Variants in ARHGAP26 observed in about 807,000 individuals in gnomAD.
ARHGAP26 encodes the protein Rho GTPase activating protein 26.
A neutral mutation model predicts 104.8 loss-of-function variants in ARHGAP26; 38 were observed. The ratio of observed to expected loss-of-function variants is 0.36; its 90% CI spans 0.28 to 0.48. ARHGAP26 has a LOEUF of 0.48. Among genes scored for constraint, ARHGAP26 ranks in the 20% least tolerant of loss-of-function variants. ARHGAP26 has a pLI of 0.99. For missense variants in ARHGAP26, 704 were observed against 947.9 expected, an observed-to-expected ratio of 0.74 and a Z score of 3.38; for synonymous variants, 341 against 340.0, an observed-to-expected ratio of 1.00 and a Z score of -0.03.
At chr5:143,029,338 C>G (rs934317193) in intron 12 of ARHGAP26, among the ~76,000 whole-genome samples, 2 of 150,064 alleles carry the variant, frequency 1.3e-5, no homozygotes, top group Admixed American at 6.7e-5. Flanking sequence ...CACAGCAACT[C>G]GACAATTTCC....
At chr5:143,176,814 G>T (rs916334424) in intron 20 of ARHGAP26, among the ~76,000 whole-genome samples, 2 of 152,100 alleles carry the variant, frequency 1.3e-5, no homozygotes, top group Admixed American at 6.5e-5. Context: ...AAAGAGACTC[G>T]GGTGTCTGAT....
chr5:143,074,213 G>T (rs1009790566), intron 17 of ARHGAP26, among the ~76,000 whole-genome samples: 1 of 151,902 alleles, frequency 6.6e-6, no homozygotes, highest in Non-Finnish European at 1.5e-5. Flanking sequence ...TATAGAACTG[G>T]TTTAAAATAA....
chr5:143,197,904 A>G (rs1807112229), intron 20 of ARHGAP26, among the ~76,000 whole-genome samples: 1 of 152,212 alleles, frequency 6.6e-6, no homozygotes, highest in Non-Finnish European at 1.5e-5. Flanking sequence ...GTAGCATAAA[A>G]TCGTATAGGC....
intron 20 of ARHGAP26, among the ~76,000 whole-genome samples, chr5:143,156,771 C>T (rs748662762): frequency 3.3e-5 from 5 of 152,174 alleles, no homozygotes; most frequent in South Asian, 2.1e-4. Context: ...GAGCTCTGCC[C>T]GTGGCCTTTG....
chr5:143,160,870 C>T (rs919833926), intron 20 of ARHGAP26, among the ~76,000 whole-genome samples: 4 of 152,176 alleles, frequency 2.6e-5, no homozygotes, highest in African/African-American at 9.7e-5. Flanking sequence ...AGGCTGGCCT[C>T]GCCCAGGGCT....
At chr5:142,841,268 ATCC>A (rs1157229550) in intron 1 of ARHGAP26, among the ~76,000 whole-genome samples, 1 of 152,212 alleles carries the variant, frequency 6.6e-6, no homozygotes, top group Non-Finnish European at 1.5e-5. Flanking sequence ...AAAGAAACAA[ATCC>A]TGGGTGATAG....
chr5:142,800,367 G>T (rs1334078523), intron 1 of ARHGAP26, among the ~76,000 whole-genome samples: 1 of 144,830 alleles, frequency 6.9e-6, no homozygotes, highest in East Asian at 2.2e-4. Flanking sequence ...CTTTTTCTTT[G>T]TCTTTTTTTT....
intron 1 of ARHGAP26, 91 bp downstream of exon 1, chr5:142,771,006 G>T: frequency 6.7e-7 from 1 of 1,483,980 alleles, no homozygotes; most frequent in Non-Finnish European, 9.0e-7. Context: ...CGTCTGCCGG[G>T]TTTCTGCTCC....
At chr5:142,904,422 T>C (rs929086316) in intron 8 of ARHGAP26, among the ~76,000 whole-genome samples, 7 of 151,700 alleles carry the variant, frequency 4.6e-5, no homozygotes, top group African/African-American at 1.7e-4. Context: ...GGAGTGAGCC[T>C]GTTGAGGTTT....
intron 10 of ARHGAP26, among the ~76,000 whole-genome samples, chr5:142,928,290 G>C (rs1764218064): frequency 6.7e-6 from 1 of 148,768 alleles, no homozygotes; most frequent in African/African-American, 2.5e-5. Flanking sequence ...TTTTAAGACA[G>C]ATAAAACATG....
At chr5:143,134,384 C>T (rs1797696251) in intron 19 of ARHGAP26, among the ~76,000 whole-genome samples, 1 of 152,184 alleles carries the variant, frequency 6.6e-6, no homozygotes, top group Non-Finnish European at 1.5e-5. Context: ...TGCTCCTACA[C>T]AATAAGAGCT....
chr5:142,831,551 T>C (rs1047949779), intron 1 of ARHGAP26, among the ~76,000 whole-genome samples: 4 of 152,180 alleles, frequency 2.6e-5, no homozygotes, highest in Non-Finnish European at 5.9e-5. Flanking sequence ...TAATTACCTC[T>C]GCCTTGATGT....
chr5:143,061,464 A>T (rs1255543192), intron 17 of ARHGAP26, among the ~76,000 whole-genome samples: 1 of 152,234 alleles, frequency 6.6e-6, no homozygotes, highest in Non-Finnish European at 1.5e-5. Context: ...AGTAGATATT[A>T]AAAATACCTT....
intron 1 of ARHGAP26, among the ~76,000 whole-genome samples, chr5:142,812,925 TTC>T (rs1491443987): frequency 4.0e-5 from 6 of 148,992 alleles, no homozygotes; most frequent in African/African-American, 1.3e-4. Flanking sequence ...TAATTTCTTT[TTC>T]TTTTTTTTTC....
At chr5:143,047,806 TA>T (rs1562324532) in intron 14 of ARHGAP26, among the ~76,000 whole-genome samples, 2 of 152,150 alleles carry the variant, frequency 1.3e-5, no homozygotes. Context: ...TTCTTTTTCT[TA>T]AAAAAATTTT....
intron 11 of ARHGAP26, among the ~76,000 whole-genome samples, chr5:142,972,385 T>G (rs1772422078): frequency 6.6e-6 from 1 of 152,118 alleles, no homozygotes; most frequent in African/African-American, 2.4e-5. Context: ...TGAAAGGAAG[T>G]TCATCTGAAT....
intron 1 of ARHGAP26, among the ~76,000 whole-genome samples, chr5:142,853,813 G>A (rs1210312981): frequency 2.0e-5 from 3 of 152,182 alleles, no homozygotes; most frequent in African/African-American, 7.2e-5. Context: ...CTGGCAGGAG[G>A]CTACAAGCTT....
At chr5:142,915,997 A>G (rs1762434470) in intron 10 of ARHGAP26, among the ~76,000 whole-genome samples, 1 of 152,144 alleles carries the variant, frequency 6.6e-6, no homozygotes, top group Admixed American at 6.5e-5. Context: ...TGCCTTCCAC[A>G]GGTTCCCCAG....
Position 143,121,096 on chromosome 5 carries a change from C to T in ARHGAP26, c.1647C>T (p.Asp549=). The change falls in exon 18 of 23, where the codon GAC becomes GAT. Residue 549 remains aspartate (D), a synonymous_variant. Coordinates refer to ENST00000645722, the MANE Select transcript of ARHGAP26 (RefSeq NM_001135608.3). ...AAGAAACAGTAGCAGCCATCATGGA[C>T]ATCAAATTTCAGAACATTGTCATTG... The part of the protein sequence containing the change: ...PQEETVAAIM[D]IKFQNIVIEI... 1.9e-6 allele frequency: 3 copies of T among 1,613,348 alleles called. No individual in the cohort carries two copies. The highest frequency in any genetic ancestry group is 2.5e-6 in the Non-Finnish European group (3 of 1,179,498).
Sources: gnomAD v4.1 joint callset for allele counts (sites outside exome capture counted in the v4.1 genomes callset) on GRCh38, gnomAD v4.1.1 for gene constraint, MANE v1.5 for transcripts, NCBI Gene and HGNC (gene_info 2026-07-23, HGNC 2026-07-21) for gene names.